Variants in FBN1 observed in about 807,000 individuals in gnomAD.
FBN1 encodes the protein fibrillin-1.
FBN1 carries 29 observed loss-of-function variants against 365.1 expected under a neutral mutation model. That is an observed-to-expected ratio of 0.08 (90% CI 0.06 to 0.11). FBN1 has a LOEUF of 0.11. Ranked by LOEUF, FBN1 falls within the 10% of genes least tolerant of loss-of-function variation. FBN1 has a pLI of 1.00. For synonymous variants in FBN1, 1,210 were observed against 1,270.5 expected (o/e 0.95, Z 1.01); for missense variants, 2,476 against 3,703.2 (o/e 0.67, Z 8.60).
intron 13 of FBN1, among the ~76,000 whole-genome samples, chr15:48,511,936 A>G (rs1218217209): frequency 6.6e-6 from 1 of 152,136 alleles, no homozygotes; most frequent in Non-Finnish European, 1.5e-5. Context: ...ATTTTCTGTT[A>G]TTGCAAAATG....
chr15:48,570,541 G>A (rs376762865), intron 6 of FBN1, among the ~76,000 whole-genome samples: 1 of 151,730 alleles, frequency 6.6e-6, no homozygotes, highest in African/African-American at 2.4e-5. Flanking sequence ...GAAGATTATG[G>A]AGACAGTCAT....
In FBN1 at chr15:48,445,578, A is replaced by C. The variant is rs995547736; in HGVS notation, c.5789-74T>G. The C allele has an allele frequency of 8.5e-6, 13 of 1,535,794 alleles. No homozygotes were observed. The South Asian group carries it at 1.3e-4, about 16-fold the overall frequency. On this transcript the variant is annotated intron_variant, in intron 47 of 65. Transcript: ENST00000316623. ...AATCCCAGCAATAATCAAAACTTCT[A>C]AAAGAAAAAATACTTTTTCTGAATT... is the stretch of plus-strand genomic sequence containing the variant.
At chr15:48,437,263 AGAG>A (rs1316482608) in intron 52 of FBN1, 56 bp downstream of exon 52, 9 of 1,480,210 alleles carry the variant, frequency 6.1e-6, no homozygotes, top group Non-Finnish European at 8.5e-6. Context: ...AAGAATAACT[AGAG>A]AAGAAGCAGA....
intron 6 of FBN1, among the ~76,000 whole-genome samples, chr15:48,551,897 C>T (rs138166662): frequency 3.9e-5 from 6 of 152,246 alleles, no homozygotes; most frequent in South Asian, 2.1e-4. Flanking sequence ...TTTCTTTTTC[C>T]GGTCTCATTG....
In FBN1 at chr15:48,410,981, G is replaced by A. The variant is rs756841264; in HGVS notation, c.*9C>T. 8.7e-6 allele frequency: 14 copies of A among 1,611,972 alleles called. No homozygotes were observed. Among genetic ancestry groups the A allele is most frequent in the African/African-American group, 1.3e-5 (1 of 74,860 alleles). ...TTTTCTTTTAATTATTTGGTCTCTGGATGGTGAATTAATGAAGCAAAACCT... is the reference window on the plus strand; with the variant it reads ...TTTTCTTTTAATTATTTGGTCTCTGAATGGTGAATTAATGAAGCAAAACCT... On this transcript the variant is annotated 3_prime_UTR_variant, in exon 66 of 66. Coordinates refer to ENST00000316623, the MANE Select transcript of FBN1 (RefSeq NM_000138.5).
chr15:48,501,680 G>T (rs1418532641), intron 17 of FBN1, among the ~76,000 whole-genome samples: 1 of 152,146 alleles, frequency 6.6e-6, no homozygotes, highest in African/African-American at 2.4e-5. Context: ...ATGCACCAAG[G>T]TTCCTGGATT....
intron 42 of FBN1, among the ~76,000 whole-genome samples, chr15:48,460,662 C>T (rs2043274057): frequency 6.6e-6 from 1 of 152,064 alleles, no homozygotes; most frequent in South Asian, 2.1e-4. Context: ...TCTCTCTACT[C>T]TGCATTTAGA....
chr15:48,505,151 T>C lies in FBN1; in HGVS notation c.1838-4A>G, dbSNP rs2043698312. ...GGGGTTTCACACTCGTTAATGTCTG[T>C]GGCAGAGAAAGGCACTTATTAAAAA... is the stretch of plus-strand genomic sequence containing the variant. On this transcript the variant is annotated splice_polypyrimidine_tract_variant and splice_region_variant and intron_variant, in intron 15 of 65. Coordinates refer to ENST00000316623, the MANE Select transcript of FBN1 (RefSeq NM_000138.5). 1.2e-6 allele frequency: 2 copies of C among 1,614,034 alleles called. No homozygotes were observed. The highest frequency in any genetic ancestry group is 2.7e-5 in the African/African-American group (2 of 74,930).
chr15:48,479,428 T>G (rs1187703858), intron 32 of FBN1, among the ~76,000 whole-genome samples: 1 of 152,180 alleles, frequency 6.6e-6, no homozygotes, highest in Non-Finnish European at 1.5e-5. Context: ...AAGAACACAA[T>G]TCAGGGTACT....
intron 3 of FBN1, among the ~76,000 whole-genome samples, chr15:48,612,698 A>T (rs916501651): frequency 2.6e-5 from 4 of 152,220 alleles, no homozygotes; most frequent in Admixed American, 6.5e-5. Flanking sequence ...GTTAGAAATT[A>T]CAATAAGAAA....
Position 48,450,616 on chromosome 15 carries a change from A to G in FBN1, c.5546-1723T>C, listed in dbSNP as rs543904077. On this transcript the variant is annotated intron_variant, in intron 45 of 65. Transcript: ENST00000316623. ...AACTGTTCCTTGTCTTTTGTGGGGC[A>G]AGACATTTCAGAAGGGGGTTGCATT... Among the ~76,000 whole-genome samples, 6 of 152,314 alleles carry G rather than the reference A, an allele frequency of 3.9e-5. No homozygotes were observed. The South Asian group carries it at 1.2e-3, about 32-fold the overall frequency.
chr15:48,415,685 G>T lies in FBN1; in HGVS notation c.7902C>A (p.Pro2634=). The T allele has an allele frequency of 6.2e-7, 1 of 1,614,194 alleles. No individual in the cohort carries two copies. Among genetic ancestry groups the T allele is most frequent in the South Asian group, 1.1e-5 (1 of 91,080 alleles). Residue 2634 remains proline (P), a synonymous_variant, in exon 64 of 66, where the codon CCC becomes CCA. Coordinates refer to ENST00000316623, the MANE Select transcript of FBN1 (RefSeq NM_000138.5). ...NTLGSYKCMC[P]AGFQYEQFSG... is the part of the protein sequence containing the mutation. ...TGAACTGTTCATACTGGAAGCCGGCGGGACACATGCACTTGTAGCTCCCCA... is the reference window on the plus strand; with the variant it reads ...TGAACTGTTCATACTGGAAGCCGGCTGGACACATGCACTTGTAGCTCCCCA...
chr15:48,471,786 A>C (rs2043378755), intron 35 of FBN1, among the ~76,000 whole-genome samples: 1 of 152,204 alleles, frequency 6.6e-6, no homozygotes, highest in Non-Finnish European at 1.5e-5. Context: ...TCATTTGTTT[A>C]TTTCTACTGA....
intron 2 of FBN1, among the ~76,000 whole-genome samples, chr15:48,626,043 C>CT (rs976520611): frequency 6.6e-6 from 1 of 151,934 alleles, no homozygotes; most frequent in Non-Finnish European, 1.5e-5. Context: ...TTATAAGAAA[C>CT]TTTTAAAAAA....
At chr15:48,610,514 T>C (rs2044648243) in intron 4 of FBN1, among the ~76,000 whole-genome samples, 1 of 152,178 alleles carries the variant, frequency 6.6e-6, no homozygotes, top group Non-Finnish European at 1.5e-5. Flanking sequence ...ATAGTAACTA[T>C]GCCCCATAGG....
intron 4 of FBN1, among the ~76,000 whole-genome samples, chr15:48,608,509 C>G (rs1475934694): frequency 2.6e-5 from 4 of 152,190 alleles, no homozygotes; most frequent in African/African-American, 7.2e-5. Flanking sequence ...CCCCAGCTAT[C>G]CTTAATTTAA....
intron 25 of FBN1, among the ~76,000 whole-genome samples, chr15:48,489,050 T>G (rs2043533284): frequency 6.6e-6 from 1 of 152,106 alleles, no homozygotes; most frequent in Non-Finnish European, 1.5e-5. Flanking sequence ...CTTTCTTTCT[T>G]TTTTTGAGAC....
At chr15:48,559,283 T>C (rs2044205568) in intron 6 of FBN1, among the ~76,000 whole-genome samples, 1 of 152,200 alleles carries the variant, frequency 6.6e-6, no homozygotes, top group Non-Finnish European at 1.5e-5. Context: ...AAATATATTA[T>C]GTCTAAAGAA....
chr15:48,538,813 G>C (rs944844280), intron 6 of FBN1, among the ~76,000 whole-genome samples: 8 of 152,156 alleles, frequency 5.3e-5, no homozygotes, highest in African/African-American at 1.9e-4. Flanking sequence ...GTCATTTTCA[G>C]AAGTGTTTAG....
Sources: allele counts gnomAD v4.1 joint callset (sites outside exome capture counted in the v4.1 genomes callset), GRCh38; gene constraint gnomAD v4.1.1; transcripts MANE v1.5; gene names NCBI Gene and HGNC (gene_info 2026-07-23, HGNC 2026-07-21).